The following TBC1D30 variants were observed in gnomAD, a reference collection of about 807,000 sequenced individuals.
TBC1D30 encodes TBC1 domain family, member 30.
Under a neutral mutation model 63.2 loss-of-function variants are expected in TBC1D30, and 31 were observed. That is an observed-to-expected ratio of 0.49 (90% CI 0.37 to 0.66). The LOEUF is 0.66. Among genes scored for constraint, TBC1D30 ranks in the 30% least tolerant of loss-of-function variants. The probability of loss-of-function intolerance (pLI) is 0.00; values close to 1 mark genes in which losing one functional copy is unlikely to be tolerated. For missense variants in TBC1D30, 810 were observed against 953.6 expected (o/e 0.85, Z 1.98); for synonymous variants, 307 against 361.5 (o/e 0.85, Z 1.71).
chr12:64,854,090 A>G (rs773242682), intron 8 of TBC1D30, among the ~76,000 whole-genome samples: 3 of 152,136 alleles, frequency 2.0e-5, no homozygotes, highest in Non-Finnish European at 4.4e-5. Context: ...AGTGTTATTG[A>G]TAAGTAAAGC....
At chr12:64,808,665 G>T (rs1247147473) in intron 2 of TBC1D30, among the ~76,000 whole-genome samples, 3 of 152,070 alleles carry the variant, frequency 2.0e-5, no homozygotes, top group African/African-American at 7.2e-5. Flanking sequence ...GTCACGCTGT[G>T]CATTCATCAC....
At chr12:64,856,535 G>T (rs1208119991) in intron 8 of TBC1D30, among the ~76,000 whole-genome samples, 1 of 152,150 alleles carries the variant, frequency 6.6e-6, no homozygotes, top group African/African-American at 2.4e-5. Context: ...TGAAACATGT[G>T]GAGTCTCTTT....
intron 8 of TBC1D30, among the ~76,000 whole-genome samples, chr12:64,864,208 A>G (rs1878025276): frequency 6.6e-6 from 1 of 152,132 alleles, no homozygotes; most frequent in African/African-American, 2.4e-5. Context: ...CTTGTAGTCG[A>G]TCACAAGATC....
At chr12:64,787,016 A>ATGT (rs1871633571) in intron 2 of TBC1D30, among the ~76,000 whole-genome samples, 3 of 152,208 alleles carry the variant, frequency 2.0e-5, no homozygotes, top group Non-Finnish European at 2.9e-5. Context: ...CCTAAAAGGC[A>ATGT]TGTCCTTTTT....
At chr12:64,840,545 C>A (rs1875778849) in intron 7 of TBC1D30, among the ~76,000 whole-genome samples, 1 of 152,194 alleles carries the variant, frequency 6.6e-6, no homozygotes, top group South Asian at 2.1e-4. Context: ...TTGCAATGAA[C>A]AGTCGCTGTT....
At chr12:64,782,884 C>T (rs1479380589) in intron 1 of TBC1D30, among the ~76,000 whole-genome samples, 6 of 152,218 alleles carry the variant, frequency 3.9e-5, no homozygotes, top group African/African-American at 1.4e-4. Context: ...CCTATACACA[C>T]ATATGCGTGC....
At chr12:64,770,870 ATTTTTTT>A (rs59632344) in intron 1 of TBC1D30, among the ~76,000 whole-genome samples, 2 of 138,198 alleles carry the variant, frequency 1.4e-5, no homozygotes, top group African/African-American at 2.7e-5. Context: ...CACCCAGCTA[ATTTTTTT>A]TTTTTTTTTG....
chr12:64,864,169 A>T (rs2136458156), intron 8 of TBC1D30, among the ~76,000 whole-genome samples: 1 of 152,086 alleles, frequency 6.6e-6, no homozygotes, highest in Non-Finnish European at 1.5e-5. Context: ...ATCCACAGAC[A>T]TTTAAAAAGG....
chr12:64,774,511 T>A, intron 1 of TBC1D30, among the ~76,000 whole-genome samples: 1 of 151,554 alleles, frequency 6.6e-6, no homozygotes, highest in African/African-American at 2.4e-5. Flanking sequence ...AAGGTCAAAA[T>A]GAAAGAAAAA....
chr12:64,824,134 A>G (rs1471721131), upstream of TBC1D30, among the ~76,000 whole-genome samples: 2 of 151,312 alleles, frequency 1.3e-5, no homozygotes, highest in Non-Finnish European at 2.9e-5. Flanking sequence ...CTGGCTGGAG[A>G]GATGAGGAAC....
chr12:64,833,955 G>A (rs764232707), intron 5 of TBC1D30, among the ~76,000 whole-genome samples: 8 of 151,896 alleles, frequency 5.3e-5, no homozygotes, highest in African/African-American at 9.7e-5. Context: ...TTAGGGGGTC[G>A]GATGGAGATG....
intron 5 of TBC1D30, among the ~76,000 whole-genome samples, chr12:64,833,265 G>A (rs1420943639): frequency 3.3e-5 from 5 of 152,142 alleles, no homozygotes; most frequent in African/African-American, 1.2e-4. Flanking sequence ...TGATGCCTAC[G>A]ACCTTTATTA....
chr12:64,799,771 A>G (rs1214091052), intron 2 of TBC1D30, among the ~76,000 whole-genome samples: 1 of 152,200 alleles, frequency 6.6e-6, no homozygotes, highest in Admixed American at 6.5e-5. Flanking sequence ...GAACCACCCT[A>G]ATCTTCAAAG....
intron 2 of TBC1D30, among the ~76,000 whole-genome samples, chr12:64,802,546 A>C (rs1872639823): frequency 6.6e-6 from 1 of 151,940 alleles, no homozygotes; most frequent in South Asian, 2.1e-4. Context: ...TGTGCACAAC[A>C]TACAGGTTTG....
At chr12:64,787,790 CT>C (rs1871681744) in intron 2 of TBC1D30, among the ~76,000 whole-genome samples, 2 of 152,222 alleles carry the variant, frequency 1.3e-5, no homozygotes, top group Admixed American at 1.3e-4. Flanking sequence ...AATCCCAGCA[CT>C]TTGGGAGGCC....
chr12:64,776,190 A>G (rs1871074505), upstream of TBC1D30, among the ~76,000 whole-genome samples: 1 of 152,188 alleles, frequency 6.6e-6, no homozygotes, highest in South Asian at 2.1e-4. Flanking sequence ...ACAACCTAAT[A>G]TCACAACTAA....
intron 11 of TBC1D30, among the ~76,000 whole-genome samples, chr12:64,871,301 T>C (rs772986831): frequency 6.6e-6 from 1 of 152,232 alleles, no homozygotes; most frequent in Non-Finnish European, 1.5e-5. Flanking sequence ...CTTGGGAATA[T>C]ACTAAGAAGA....
intron 1 of TBC1D30, among the ~76,000 whole-genome samples, chr12:64,766,783 C>A (rs1313991532): frequency 6.6e-6 from 1 of 152,094 alleles, no homozygotes; most frequent in Non-Finnish European, 1.5e-5. Flanking sequence ...CCAGGATAGA[C>A]CATGTACTAG....
intron 1 of TBC1D30, among the ~76,000 whole-genome samples, chr12:64,782,899 G>A (rs1036099197): frequency 3.3e-5 from 5 of 152,140 alleles, no homozygotes; most frequent in Admixed American, 6.5e-5. Flanking sequence ...GCGTGCTTAC[G>A]TGTGCACACA....
Sources: allele counts gnomAD v4.1 joint callset (sites outside exome capture counted in the v4.1 genomes callset), GRCh38; gene constraint gnomAD v4.1.1; transcripts MANE v1.5; gene names NCBI Gene and HGNC (gene_info 2026-07-23, HGNC 2026-07-21).